Variants in AUTS2 observed in about 807,000 individuals in gnomAD.
The protein encoded by AUTS2 is autism susceptibility gene 2 protein.
In AUTS2, 17 loss-of-function variants were observed where a neutral mutation model predicts 112.4. That is an observed-to-expected ratio of 0.15 (90% CI 0.10 to 0.23). AUTS2 has a LOEUF of 0.23. Ranked by LOEUF, AUTS2 falls within the 10% of genes least tolerant of loss-of-function variation. The pLI is 1.00. For synonymous variants in AUTS2, 751 were observed against 702.7 expected (o/e 1.07, Z -1.09); for missense variants, 1,510 against 1,701.6 (o/e 0.89, Z 1.98).
At chr7:69,644,415 GA>G (rs1794931458) in intron 1 of AUTS2, among the ~76,000 whole-genome samples, 1 of 151,262 alleles carries the variant, frequency 6.6e-6, no homozygotes. Context: ...AACATTTAAG[GA>G]AAACAAAATG....
At chr7:70,318,314 G>C (rs1032491413) in intron 4 of AUTS2, among the ~76,000 whole-genome samples, 1 of 152,066 alleles carries the variant, frequency 6.6e-6, no homozygotes. Flanking sequence ...AGTGTGAGGA[G>C]CAAGGACGTG....
chr7:69,842,869 T>A (rs1792040429), intron 1 of AUTS2, among the ~76,000 whole-genome samples: 1 of 152,176 alleles, frequency 6.6e-6, no homozygotes, highest in Non-Finnish European at 1.5e-5. Context: ...TGGCTGGCTC[T>A]CTGCTGGTTG....
chr7:70,494,576 TC>T (rs895295944), intron 5 of AUTS2, among the ~76,000 whole-genome samples: 1 of 129,668 alleles, frequency 7.7e-6, no homozygotes, highest in Non-Finnish European at 1.6e-5. Flanking sequence ...CCACCGCCCC[TC>T]CCCCCCGACA....
intron 5 of AUTS2, among the ~76,000 whole-genome samples, chr7:70,628,329 C>CATATATATATAGTATATATATATATGT (rs1805064090): frequency 8.6e-5 from 2 of 23,310 alleles, no homozygotes; most frequent in South Asian, 1.8e-3. Flanking sequence ...TATATATATA[C>CATATATATATAGTATATATATATATGT]ATATATATAT....
intron 1 of AUTS2, among the ~76,000 whole-genome samples, chr7:69,855,050 A>G (rs1282120105): frequency 6.6e-6 from 1 of 152,244 alleles, no homozygotes; most frequent in Non-Finnish European, 1.5e-5. Flanking sequence ...TCTCAAGTAC[A>G]TGTTTTGAGA....
At chr7:70,268,028 G>T (rs1294504164) in intron 4 of AUTS2, among the ~76,000 whole-genome samples, 1 of 152,154 alleles carries the variant, frequency 6.6e-6, no homozygotes, top group African/African-American at 2.4e-5. Context: ...GCTCCCATAA[G>T]AAATTTAACA....
At chr7:69,843,497 A>G (rs1176040624) in intron 1 of AUTS2, among the ~76,000 whole-genome samples, 2 of 152,216 alleles carry the variant, frequency 1.3e-5, no homozygotes, top group African/African-American at 4.8e-5. Flanking sequence ...TCAACACTGG[A>G]TACTTGATAT....
chr7:69,912,559 A>C (rs1795406503), intron 2 of AUTS2, among the ~76,000 whole-genome samples: 1 of 152,218 alleles, frequency 6.6e-6, no homozygotes, highest in Admixed American at 6.5e-5. Context: ...TAGACTAAGG[A>C]GACAAATTGA....
chr7:70,317,715 T>C (rs1790062135), intron 4 of AUTS2, among the ~76,000 whole-genome samples: 1 of 152,208 alleles, frequency 6.6e-6, no homozygotes, highest in African/African-American at 2.4e-5. Context: ...GCTGGCACAT[T>C]GCCTGACTTA....
At chr7:69,865,966 A>G (rs1409054827) in intron 1 of AUTS2, among the ~76,000 whole-genome samples, 2 of 152,068 alleles carry the variant, frequency 1.3e-5, no homozygotes, top group African/African-American at 4.8e-5. Context: ...AATTGTATTC[A>G]TGTTTGTAGT....
chr7:70,519,609 A>G (rs757251144), intron 5 of AUTS2, among the ~76,000 whole-genome samples: 12 of 152,362 alleles, frequency 7.9e-5, no homozygotes, highest in East Asian at 7.7e-4. Context: ...CAACAGAAAC[A>G]AAACCTTTTA....
At chr7:70,003,362 ATATAT>A (rs1197932508) in intron 2 of AUTS2, among the ~76,000 whole-genome samples, 1 of 128,032 alleles carries the variant, frequency 7.8e-6, no homozygotes, top group Non-Finnish European at 1.5e-5. Context: ...TTATATATGA[ATATAT>A]TATATATGTG....
intron 6 of AUTS2, among the ~76,000 whole-genome samples, chr7:70,721,872 TATC>T (rs1343669665): frequency 2.0e-5 from 3 of 152,246 alleles, no homozygotes; most frequent in African/African-American, 7.2e-5. Context: ...ATGTTAAAAG[TATC>T]ATGATGCTTC....
chr7:70,469,061 A>C (rs997573553), intron 5 of AUTS2, among the ~76,000 whole-genome samples: 2 of 152,232 alleles, frequency 1.3e-5, no homozygotes, highest in Non-Finnish European at 2.9e-5. Context: ...GTTGTGAGGA[A>C]AACAGATAGC....
At chr7:70,553,537 A>G (rs1295976036) in intron 5 of AUTS2, among the ~76,000 whole-genome samples, 1 of 152,138 alleles carries the variant, frequency 6.6e-6, no homozygotes, top group Non-Finnish European at 1.5e-5. Flanking sequence ...CAGGCAGCCA[A>G]GTGTTGACTC....
At chr7:69,745,703 TTGGG>T (rs1369921514) in intron 1 of AUTS2, among the ~76,000 whole-genome samples, 1 of 152,152 alleles carries the variant, frequency 6.6e-6, no homozygotes, top group African/African-American at 2.4e-5. Context: ...GAAATTACAT[TTGGG>T]GGAAGTAATA....
At chr7:70,187,045 A>T (rs1399088271) in intron 4 of AUTS2, among the ~76,000 whole-genome samples, 1 of 152,246 alleles carries the variant, frequency 6.6e-6, no homozygotes, top group East Asian at 1.9e-4. Context: ...CTGGCTCTGT[A>T]ATCCATGCTC....
intron 4 of AUTS2, among the ~76,000 whole-genome samples, chr7:70,156,978 G>A (rs1252194623): frequency 6.8e-6 from 1 of 148,070 alleles, no homozygotes; most frequent in Non-Finnish European, 1.5e-5. Flanking sequence ...TTGGGAGGCT[G>A]AGGCAGGAGA....
chr7:69,787,582 C>T (rs1030701515), intron 1 of AUTS2, among the ~76,000 whole-genome samples: 12 of 152,168 alleles, frequency 7.9e-5, no homozygotes, highest in Admixed American at 7.9e-4. Context: ...CAGAGTCTCA[C>T]TCTGTTGCCT....
Sources: allele counts gnomAD v4.1 joint callset (sites outside exome capture counted in the v4.1 genomes callset), GRCh38; gene constraint gnomAD v4.1.1; transcripts MANE v1.5; gene names NCBI Gene and HGNC (gene_info 2026-07-23, HGNC 2026-07-21).